EPM2A: variants seen among roughly 807,000 people sequenced by gnomAD.
EPM2A encodes the protein laforin.
Under a neutral mutation model 26.5 loss-of-function variants are expected in EPM2A, and 21 were observed. The observed-to-expected ratio is 0.79, with a 90% CI of 0.56 to 1.14. The LOEUF (loss-of-function observed/expected upper bound fraction) is 1.14. Ranked by LOEUF, EPM2A falls within the 50% of genes most tolerant of loss-of-function variation. The probability of loss-of-function intolerance (pLI) is 0.00; values close to 1 mark genes in which losing one functional copy is unlikely to be tolerated. For missense variants in EPM2A, 458 were observed against 440.8 expected (o/e 1.04, Z -0.35); for synonymous variants, 217 against 177.6 (o/e 1.22, Z -1.76).
At chr6:145,641,160 C>A in intron 2 of EPM2A, 1 of 152,096 alleles carries the variant, frequency 6.6e-6, no homozygotes, top group East Asian at 1.9e-4. Flanking sequence ...ATTATAAAGG[C>A]CTATTATGTT....
intron 4 of EPM2A, among the ~76,000 whole-genome samples, chr6:145,429,137 A>C (rs1001326101): frequency 6.6e-6 from 1 of 152,014 alleles, no homozygotes; most frequent in Admixed American, 6.5e-5. Flanking sequence ...TCAAATTTAC[A>C]AAGAAAAAAA....
chr6:145,630,222 T>C (rs926240347), intron 3 of EPM2A: 2 of 152,356 alleles, frequency 1.3e-5, no homozygotes, highest in East Asian at 1.9e-4. Flanking sequence ...GATTTCAGCA[T>C]TGGGCACAGC....
downstream of EPM2A, among the ~76,000 whole-genome samples, chr6:145,498,813 A>G (rs771007565): frequency 5.9e-5 from 9 of 152,286 alleles, no homozygotes; most frequent in Middle Eastern, 3.4e-3. Context: ...CAGTCAGTCA[A>G]CTTGGCCCCA....
chr6:145,716,704 C>T (rs1382434874), intron 1 of EPM2A, among the ~76,000 whole-genome samples: 4 of 152,070 alleles, frequency 2.6e-5, no homozygotes, highest in Non-Finnish European at 5.9e-5. Flanking sequence ...CCCCTCATCA[C>T]CACCACACAC....
chr6:145,425,820 T>C (rs75830051), intron 4 of EPM2A, among the ~76,000 whole-genome samples: 6,776 of 152,152 alleles, frequency 0.045, 509 homozygotes, highest in African/African-American at 0.15. Flanking sequence ...CTTATTTCTG[T>C]CCAGCTGAAA....
intron 2 of EPM2A, among the ~76,000 whole-genome samples, chr6:145,570,436 T>C (rs933107240): frequency 6.6e-6 from 1 of 152,226 alleles, no homozygotes; most frequent in African/African-American, 2.4e-5. Flanking sequence ...TAAATGCTGA[T>C]GTGAAGTCAA....
intron 2 of EPM2A, among the ~76,000 whole-genome samples, chr6:145,585,875 G>A (rs771745885): frequency 1.3e-4 from 20 of 152,034 alleles, no homozygotes; most frequent in Non-Finnish European, 2.4e-4. Flanking sequence ...TGTTCCCGAC[G>A]CAAAACCCTT....
At chr6:145,489,901 T>C (rs1395145953) in intron 4 of EPM2A, 1 of 1,356,016 alleles carries the variant, frequency 7.4e-7, no homozygotes, top group African/African-American at 1.4e-5. Flanking sequence ...TTCAGTACCT[T>C]CTTCAGTCTG....
In EPM2A at chr6:145,625,386, A is replaced by G. The variant is rs1306898826; in HGVS notation, c.*2030T>C. The G allele has an allele frequency of 7.3e-6, 2 of 273,644 alleles. No homozygotes were observed. Among genetic ancestry groups the G allele is most frequent in the Non-Finnish European group, 1.4e-5 (2 of 144,994 alleles). The allele number at this position is 273,644 out of a possible 1,614,324, so 17.0% of individuals were successfully genotyped here. A position where few individuals can be genotyped will look rare whatever the true frequency, so the allele number is the denominator to read the frequency against. On this transcript the variant is annotated 3_prime_UTR_variant, in exon 4 of 4. Coordinates refer to ENST00000367519, the MANE Select transcript of EPM2A (RefSeq NM_005670.4). Reference sequence around the variant, plus strand: ...CATCCCATTCATTGAGGAAAAAGACAGTTTATTCCAAAACATTCTTTAATA... The same window carrying G: ...CATCCCATTCATTGAGGAAAAAGACGGTTTATTCCAAAACATTCTTTAATA...
chr6:145,425,159 T>TTCCTTCCTTCC (rs1431824349), intron 4 of EPM2A, among the ~76,000 whole-genome samples: 5 of 128,192 alleles, frequency 3.9e-5, no homozygotes, highest in Non-Finnish European at 7.0e-5. Flanking sequence ...CCTTCCTTCC[T>TTCCTTCCTTCC]TTCCTTCCGT....
At chr6:145,725,438 T>C (rs919415775) in intron 1 of EPM2A, among the ~76,000 whole-genome samples, 11 of 152,214 alleles carry the variant, frequency 7.2e-5, no homozygotes, top group African/African-American at 2.2e-4. Context: ...CTCCTAGATA[T>C]CTACCCACTG....
At chr6:145,527,542 C>T (rs1410199534) in intron 2 of EPM2A, among the ~76,000 whole-genome samples, 2 of 151,954 alleles carry the variant, frequency 1.3e-5, no homozygotes, top group South Asian at 2.1e-4. Context: ...ATATAATGCC[C>T]TTCCTTTTTC....
intron 4 of EPM2A, among the ~76,000 whole-genome samples, chr6:145,478,458 C>A (rs1779568253): frequency 6.6e-6 from 1 of 151,708 alleles, no homozygotes; most frequent in African/African-American, 2.4e-5. Context: ...ACGAAAGACC[C>A]AGAATAATCA....
intron 2 of EPM2A, among the ~76,000 whole-genome samples, chr6:145,644,390 C>T (rs1349213540): frequency 3.3e-5 from 5 of 152,152 alleles, no homozygotes; most frequent in African/African-American, 1.2e-4. Flanking sequence ...CTACTATTTA[C>T]AGTGCTCATT....
At chr6:145,385,652 T>C (rs545770798) in intron 4 of EPM2A, among the ~76,000 whole-genome samples, 1 of 152,252 alleles carries the variant, frequency 6.6e-6, no homozygotes, top group Admixed American at 6.5e-5. Context: ...AATTTAAAAA[T>C]ACCAAGGTGA....
intron 2 of EPM2A, among the ~76,000 whole-genome samples, chr6:145,561,776 G>A (rs73784038): frequency 0.067 from 10,236 of 152,080 alleles, 1,154 homozygotes; most frequent in African/African-American, 0.23. Flanking sequence ...AGCGTTTCTC[G>A]TTTTTCTGCA....
chr6:145,448,893 AC>A, intron 4 of EPM2A, among the ~76,000 whole-genome samples: 1 of 152,358 alleles, frequency 6.6e-6, no homozygotes, highest in South Asian at 2.1e-4. Flanking sequence ...CTTATGAGTT[AC>A]ACCGATGCTG....
intron 4 of EPM2A, among the ~76,000 whole-genome samples, chr6:145,403,748 A>G (rs889482655): frequency 6.6e-6 from 1 of 152,136 alleles, no homozygotes; most frequent in African/African-American, 2.4e-5. Context: ...GCTCTTTAAT[A>G]TAATGATTTC....
intron 2 of EPM2A, among the ~76,000 whole-genome samples, chr6:145,544,422 G>C (rs1332656386): frequency 6.6e-6 from 1 of 152,156 alleles, no homozygotes; most frequent in African/African-American, 2.4e-5. Flanking sequence ...ACATTGGACA[G>C]AACATAGTTC....
Sources: allele counts gnomAD v4.1 joint callset (sites outside exome capture counted in the v4.1 genomes callset), GRCh38; gene constraint gnomAD v4.1.1; transcripts MANE v1.5; gene names NCBI Gene and HGNC (gene_info 2026-07-23, HGNC 2026-07-21).